PTK2: variants seen among roughly 807,000 people sequenced by gnomAD.
PTK2 encodes the protein focal adhesion kinase 1.
In PTK2, 45 loss-of-function variants were observed where a neutral mutation model predicts 150.1. The ratio of observed to expected loss-of-function variants is 0.30; its 90% confidence interval spans 0.24 to 0.38. PTK2 has a LOEUF of 0.38. Ranked by LOEUF, PTK2 falls within the 10% of genes least tolerant of loss-of-function variation. PTK2 has a pLI of 1.00. For synonymous variants in PTK2, 432 were observed against 449.2 expected, an observed-to-expected ratio of 0.96 and a Z score of 0.48; for missense variants, 919 against 1,307.3, an observed-to-expected ratio of 0.70 and a Z score of 4.58.
intron 22 of PTK2, among the ~76,000 whole-genome samples, chr8:140,728,194 C>T (rs868355878): frequency 1.4e-5 from 2 of 146,390 alleles, no homozygotes; most frequent in African/African-American, 2.5e-5. Flanking sequence ...TGTGAGACTC[C>T]GTCTCAAAAA....
chr8:140,901,329 T>C (rs1259822727), intron 2 of PTK2, among the ~76,000 whole-genome samples: 1 of 151,992 alleles, frequency 6.6e-6, no homozygotes, highest in Non-Finnish European at 1.5e-5. Context: ...TGTAAGAAAA[T>C]ACTGGGGAAA....
At chr8:140,669,645 G>T in intron 29 of PTK2, 82 bp downstream of exon 33, 1 of 1,469,334 alleles carries the variant, frequency 6.8e-7, no homozygotes, top group East Asian at 2.5e-5. Context: ...TGGGCTTCCT[G>T]CTTTCCAGTC....
intron 17 of PTK2, among the ~76,000 whole-genome samples, chr8:140,749,735 A>AT (rs1353871510): frequency 6.6e-6 from 1 of 152,104 alleles, no homozygotes; most frequent in African/African-American, 2.4e-5. Flanking sequence ...TCGAGGCCAT[A>AT]TTTTTTCTCT....
chr8:140,716,080 T>C (rs1419443416), intron 23 of PTK2, among the ~76,000 whole-genome samples: 1 of 152,208 alleles, frequency 6.6e-6, no homozygotes, highest in African/African-American at 2.4e-5. Flanking sequence ...GTGAATTATC[T>C]TCTTAACATC....
rs993486066 is a variant in PTK2, at chr8:140,747,086, T to G, written c.1418-226A>C. 7 of 405,252 alleles carry G rather than the reference T, an allele frequency of 1.7e-5. No individual in the cohort carries two copies. The Admixed American group carries it at 2.4e-4, about 14-fold the overall frequency. 25.1% of individuals were successfully genotyped at this position (405,252 alleles called of 1,614,324 possible). A position where few individuals can be genotyped will look rare whatever the true frequency, so the allele number is the denominator to read the frequency against. ...TTTGTATTTTTAGTAGAGATGGGAT[T>G]TCACCATGTTGGCCAGGATGGTCTC... On this transcript the variant is annotated intron_variant, in intron 17 of 31. Coordinates refer to ENST00000522684, the Ensembl canonical transcript of PTK2.
intron 4 of PTK2, among the ~76,000 whole-genome samples, chr8:140,866,260 A>T (rs1261123478): frequency 6.6e-6 from 1 of 152,086 alleles, no homozygotes; most frequent in Non-Finnish European, 1.5e-5. Context: ...TTATTTATTT[A>T]TTTTTTTGGT....
intron 26 of PTK2, among the ~76,000 whole-genome samples, chr8:140,698,150 C>T (rs1462231420): frequency 1.3e-5 from 2 of 152,158 alleles, no homozygotes; most frequent in African/African-American, 2.4e-5. Flanking sequence ...TAGTGACACA[C>T]AGGGTCCTCT....
intron 5 of PTK2, among the ~76,000 whole-genome samples, chr8:140,853,941 G>A (rs1034527887): frequency 6.6e-6 from 1 of 152,104 alleles, no homozygotes; most frequent in Non-Finnish European, 1.5e-5. Context: ...AGAAAATATA[G>A]AGAAGGAAGT....
At chr8:140,927,975 A>AAAAAAAAAAAAAAAAAAATATAT in intron 1 of PTK2, among the ~76,000 whole-genome samples, 2 of 48,196 alleles carry the variant, frequency 4.1e-5, no homozygotes, top group African/African-American at 2.0e-4. Flanking sequence ...AAAAAAAAAA[A>AAAAAAAAAAAAAAAAAAATATAT]ATATATATAT....
At chr8:140,767,014 C>A (rs2100072683) in intron 14 of PTK2, among the ~76,000 whole-genome samples, 2 of 152,144 alleles carry the variant, frequency 1.3e-5, no homozygotes. Flanking sequence ...AGGGACCTGG[C>A]AGTTGAGGAT....
At chr8:140,947,090 A>G (rs994176371) in intron 1 of PTK2, among the ~76,000 whole-genome samples, 2 of 152,164 alleles carry the variant, frequency 1.3e-5, no homozygotes, top group Non-Finnish European at 2.9e-5. Context: ...CGTACATTCT[A>G]ATTTAACTGT....
At chr8:140,782,403 C>T in intron 14 of PTK2, among the ~76,000 whole-genome samples, 1 of 151,920 alleles carries the variant, frequency 6.6e-6, no homozygotes, top group Admixed American at 6.6e-5. Context: ...CGCCTCCACG[C>T]CTGGCTACAG....
At chr8:140,796,218 T>G (rs774006857) in intron 12 of PTK2, among the ~76,000 whole-genome samples, 18 of 152,176 alleles carry the variant, frequency 1.2e-4, no homozygotes, top group Non-Finnish European at 2.2e-4. Context: ...TTTGCAGAGA[T>G]AGTTGTGAGG....
intron 27 of PTK2, among the ~76,000 whole-genome samples, chr8:140,676,973 G>T (rs990805085): frequency 2.2e-4 from 33 of 149,346 alleles, no homozygotes; most frequent in African/African-American, 6.6e-4. Context: ...ATGACTTAAT[G>T]GGTATAATGT....
chr8:140,778,857 C>CA (rs1347871757), intron 14 of PTK2, among the ~76,000 whole-genome samples: 1 of 152,112 alleles, frequency 6.6e-6, no homozygotes, highest in Non-Finnish European at 1.5e-5. Flanking sequence ...AGGTGGCAGT[C>CA]AGAGAGGGTT....
At chr8:140,721,693 C>G (rs2100043010) in intron 22 of PTK2, 2 of 152,108 alleles carry the variant, frequency 1.3e-5, no homozygotes, top group African/African-American at 4.8e-5. Context: ...CTGGCAAGTT[C>G]TCCGAAGTCA....
At chr8:140,897,131 T>C (rs964810227) in intron 2 of PTK2, among the ~76,000 whole-genome samples, 2 of 152,132 alleles carry the variant, frequency 1.3e-5, no homozygotes, top group African/African-American at 4.8e-5. Context: ...CTACTTGGAA[T>C]AAATACGGAG....
intron 4 of PTK2, among the ~76,000 whole-genome samples, chr8:140,871,297 A>C (rs1245309188): frequency 6.6e-6 from 1 of 152,338 alleles, no homozygotes; most frequent in African/African-American, 2.4e-5. Context: ...ATTATACTGA[A>C]AGGAATGATC....
intron 1 of PTK2, among the ~76,000 whole-genome samples, chr8:140,931,163 C>A (rs1053645423): frequency 6.6e-6 from 1 of 151,900 alleles, no homozygotes; most frequent in African/African-American, 2.4e-5. Context: ...TAAACATCAC[C>A]CCCCCTTCAC....
Sources: allele counts gnomAD v4.1 joint callset (sites outside exome capture counted in the v4.1 genomes callset), GRCh38; gene constraint gnomAD v4.1.1; transcripts MANE v1.5; gene names NCBI Gene and HGNC (gene_info 2026-07-23, HGNC 2026-07-21).